Variants in TENM3 observed in about 807,000 individuals in gnomAD.
The protein encoded by TENM3 is teneurin transmembrane protein 3, also known as teneurin-3.
Under a neutral mutation model 255.1 loss-of-function variants are expected in TENM3, and 63 were observed. The observed-to-expected ratio is 0.25, with a 90% CI of 0.20 to 0.30. The LOEUF (loss-of-function observed/expected upper bound fraction) is 0.30. Among genes scored for constraint, TENM3 ranks in the 10% least tolerant of loss-of-function variants. The pLI, the probability that TENM3 is intolerant of heterozygous loss-of-function variation, is 1.00. For synonymous variants in TENM3, 1,306 were observed against 1,322.3 expected (o/e 0.99, Z 0.27); for missense variants, 2,929 against 3,461.1 (o/e 0.85, Z 3.86).
At chr4:182,589,885 AATCGCTTGTACCCGGGAGGCAGAAGG>A (rs1746428457) in intron 3 of TENM3, among the ~76,000 whole-genome samples, 1 of 151,946 alleles carries the variant, frequency 6.6e-6, no homozygotes, top group African/African-American at 2.4e-5. Flanking sequence ...GAGGCAGGAG[AATCGCTTGTACCCGGGAGGCAGAAGG>A]AGGTTTCAGT....
At chr4:181,665,838 T>C in the TENM3 span, among the ~76,000 whole-genome samples, 1 of 152,018 alleles carries the variant, frequency 6.6e-6, no homozygotes, top group Non-Finnish European at 1.5e-5. Flanking sequence ...GAAGTGAAAA[T>C]TTTTATTAAA....
At chr4:182,540,214 G>A (rs1016121882) in intron 3 of TENM3, among the ~76,000 whole-genome samples, 1 of 152,190 alleles carries the variant, frequency 6.6e-6, no homozygotes, top group African/African-American at 2.4e-5. Flanking sequence ...CCATGGTGGA[G>A]GGAGGAAGAG....
intron 22 of TENM3, among the ~76,000 whole-genome samples, chr4:182,759,925 A>G (rs953904794): frequency 3.3e-5 from 5 of 152,234 alleles, no homozygotes; most frequent in African/African-American, 1.2e-4. Flanking sequence ...AGTGGCCAAT[A>G]TATTTAGACA....
chr4:181,716,937 T>A, the TENM3 span, among the ~76,000 whole-genome samples: 1 of 152,186 alleles, frequency 6.6e-6, no homozygotes, highest in Admixed American at 6.5e-5. Context: ...AATATTTCTT[T>A]CGGTTTGGGA....
chr4:181,624,535 T>C, the TENM3 span, among the ~76,000 whole-genome samples: 1 of 152,160 alleles, frequency 6.6e-6, no homozygotes, highest in African/African-American at 2.4e-5. Flanking sequence ...CTTTCTCTGA[T>C]AGGACCAGAA....
At chr4:182,725,578 G>T (rs2309785) in intron 13 of TENM3, among the ~76,000 whole-genome samples, 131,529 of 150,784 alleles carry the variant, frequency 0.87, 57,582 homozygotes, top group African/African-American at 0.93. Context: ...GTAATATTTT[G>T]ATAAATTTAT....
chr4:181,861,750 A>G, the TENM3 span, among the ~76,000 whole-genome samples: 3 of 152,158 alleles, frequency 2.0e-5, no homozygotes, highest in African/African-American at 7.2e-5. Context: ...ATTTTGTACC[A>G]TGAAAATATT....
At chr4:182,236,206 C>T (rs997995843) in intron 1 of TENM3, among the ~76,000 whole-genome samples, 2 of 152,154 alleles carry the variant, frequency 1.3e-5, no homozygotes, top group Non-Finnish European at 2.9e-5. Context: ...GATAACTAAA[C>T]AAGTAATATA....
intron 3 of TENM3, among the ~76,000 whole-genome samples, chr4:182,576,375 G>C (rs528922461): frequency 2.6e-5 from 4 of 152,176 alleles, no homozygotes; most frequent in South Asian, 4.2e-4. Flanking sequence ...TAAAAGGAGA[G>C]GTAATGCAAA....
At chr4:182,443,250 G>T (rs2151270371) in intron 3 of TENM3, among the ~76,000 whole-genome samples, 1 of 152,182 alleles carries the variant, frequency 6.6e-6, no homozygotes, top group Admixed American at 6.5e-5. Flanking sequence ...AAGTTGCCAA[G>T]CATAGACACA....
At chr4:182,483,867 C>T (rs1734439146) in intron 3 of TENM3, among the ~76,000 whole-genome samples, 1 of 151,996 alleles carries the variant, frequency 6.6e-6, no homozygotes, top group Non-Finnish European at 1.5e-5. Flanking sequence ...AAGTGCTACC[C>T]ATTCTTAACC....
intron 1 of TENM3, among the ~76,000 whole-genome samples, chr4:182,318,072 G>A (rs1762847333): frequency 6.6e-6 from 1 of 152,130 alleles, no homozygotes; most frequent in African/African-American, 2.4e-5. Context: ...TGGTTATTGT[G>A]GGGGTGAGCT....
chr4:182,364,205 T>C (rs528913796), intron 3 of TENM3, among the ~76,000 whole-genome samples: 95 of 152,048 alleles, frequency 6.2e-4, no homozygotes, highest in Non-Finnish European at 1.2e-3. Context: ...TCAAATGAAC[T>C]TAAGAATAAA....
At chr4:181,771,507 C>A in the TENM3 span, among the ~76,000 whole-genome samples, 3 of 152,134 alleles carry the variant, frequency 2.0e-5, no homozygotes, top group Admixed American at 6.5e-5. Context: ...TATAGGGGGT[C>A]AATGTCAATG....
the TENM3 span, among the ~76,000 whole-genome samples, chr4:181,789,139 C>A: frequency 6.6e-6 from 1 of 152,270 alleles, no homozygotes; most frequent in Middle Eastern, 3.4e-3. Context: ...TGCCCCAGTT[C>A]TTGTCACAGA....
At chr4:182,587,118 TCTCA>T (rs1746100843) in intron 3 of TENM3, among the ~76,000 whole-genome samples, 1 of 152,088 alleles carries the variant, frequency 6.6e-6, no homozygotes, top group Non-Finnish European at 1.5e-5. Context: ...AGAGACACAG[TCTCA>T]CTCTGTTGCC....
the TENM3 span, among the ~76,000 whole-genome samples, chr4:181,801,653 T>TAC: frequency 2.3e-4 from 3 of 13,162 alleles, no homozygotes; most frequent in African/African-American, 5.9e-4. Context: ...AATTGTAAAA[T>TAC]ATATATATAT....
intron 3 of TENM3, chr4:182,349,698 A>C (rs1765048873): frequency 5.7e-6 from 1 of 176,542 alleles, no homozygotes; most frequent in Admixed American, 6.4e-5. Context: ...TAATTCTAAT[A>C]TAAAGTTAAC....
intron 3 of TENM3, among the ~76,000 whole-genome samples, chr4:182,406,268 G>A (rs1440531980): frequency 6.6e-6 from 1 of 151,904 alleles, no homozygotes; most frequent in East Asian, 1.9e-4. Context: ...TTGCGCCACT[G>A]CACTCCAGCC....
Sources: allele counts gnomAD v4.1 joint callset (sites outside exome capture counted in the v4.1 genomes callset), GRCh38; gene constraint gnomAD v4.1.1; transcripts MANE v1.5; gene names NCBI Gene and HGNC (gene_info 2026-07-23, HGNC 2026-07-21).